OSBPL9: variants seen among roughly 807,000 people sequenced by gnomAD.
The protein encoded by OSBPL9 is oxysterol binding protein like 9, also known as oxysterol-binding protein-related protein 9.
A neutral mutation model predicts 106.6 loss-of-function variants in OSBPL9; 40 were observed. That is an observed-to-expected ratio of 0.38 (90% CI 0.29 to 0.49). OSBPL9 has a LOEUF of 0.49. Among genes scored for constraint, OSBPL9 ranks in the 20% least tolerant of loss-of-function variants. The pLI is 0.97. For missense variants in OSBPL9, 609 were observed against 887.2 expected (o/e 0.69, Z 3.98); for synonymous variants, 269 against 295.4 (o/e 0.91, Z 0.92).
the OSBPL9 span, among the ~76,000 whole-genome samples, chr1:51,562,769 C>T: frequency 1.1e-4 from 17 of 152,158 alleles, no homozygotes; most frequent in African/African-American, 3.9e-4. Context: ...GCAGTTGAGG[C>T]CGTTCTCTTC....
At chr1:51,521,948 G>C in the OSBPL9 span, among the ~76,000 whole-genome samples, 2 of 151,860 alleles carry the variant, frequency 1.3e-5, no homozygotes, top group Admixed American at 6.6e-5. Flanking sequence ...GTAGAGACAG[G>C]GTTTCACCGT....
At chr1:51,610,835 G>T (rs1643982515) in intron 2 of OSBPL9, among the ~76,000 whole-genome samples, 1 of 152,202 alleles carries the variant, frequency 6.6e-6, no homozygotes, top group African/African-American at 2.4e-5. Context: ...TCTACGTGAG[G>T]CACTGTGCTA....
chr1:51,614,716 T>C (rs900207820), upstream of OSBPL9, among the ~76,000 whole-genome samples: 66 of 152,160 alleles, frequency 4.3e-4, 1 homozygote, highest in Non-Finnish European at 1.5e-5. Context: ...AATTGAGTGC[T>C]TACTATCTAC....
At chr1:51,741,213 A>G (rs1459878113) in intron 4 of OSBPL9, among the ~76,000 whole-genome samples, 1 of 152,128 alleles carries the variant, frequency 6.6e-6, no homozygotes, top group Admixed American at 6.6e-5. Flanking sequence ...ATTCTTCTAC[A>G]AGTCTAGTTA....
chr1:51,616,305 C>T (rs573344907), upstream of OSBPL9, among the ~76,000 whole-genome samples: 2 of 152,232 alleles, frequency 1.3e-5, no homozygotes, highest in South Asian at 4.1e-4. Context: ...TAAATTGCCC[C>T]TGTAGGCTGT....
At chr1:51,707,961 A>G in intron 3 of OSBPL9, 1 of 253,002 alleles carries the variant, frequency 4.0e-6, no homozygotes, top group Non-Finnish European at 7.9e-6. Flanking sequence ...TCCCATTCTC[A>G]GCCTTGATGC....
At chr1:51,755,367 A>C (rs1345981183) in intron 8 of OSBPL9, among the ~76,000 whole-genome samples, 1 of 152,246 alleles carries the variant, frequency 6.6e-6, no homozygotes, top group Admixed American at 6.5e-5. Context: ...CCCTATACCT[A>C]TTAAGCAAAT....
At chr1:51,771,439 G>A (rs1673864293) in intron 12 of OSBPL9, among the ~76,000 whole-genome samples, 1 of 152,162 alleles carries the variant, frequency 6.6e-6, no homozygotes, top group African/African-American at 2.4e-5. Flanking sequence ...AGTCCATCCT[G>A]GGCAACATAA....
the OSBPL9 span, among the ~76,000 whole-genome samples, chr1:51,542,542 G>T: frequency 1.3e-5 from 2 of 152,216 alleles, no homozygotes; most frequent in Non-Finnish European, 2.9e-5. Flanking sequence ...GGCAGCACTC[G>T]ATAGGTAGGT....
intron 4 of OSBPL9, among the ~76,000 whole-genome samples, chr1:51,718,092 A>G (rs1661395206): frequency 6.6e-6 from 1 of 152,230 alleles, no homozygotes; most frequent in Non-Finnish European, 1.5e-5. Context: ...CATGATGTTA[A>G]GTGAAATAAG....
At chr1:51,623,761 T>G (rs575798360) in intron 1 of OSBPL9, among the ~76,000 whole-genome samples, 29 of 152,316 alleles carry the variant, frequency 1.9e-4, no homozygotes, top group African/African-American at 5.8e-4. Context: ...TTGAATAGCT[T>G]AAATGTATAT....
chr1:51,673,474 C>T (rs1236304993), intron 3 of OSBPL9, among the ~76,000 whole-genome samples: 2 of 152,118 alleles, frequency 1.3e-5, no homozygotes, highest in Non-Finnish European at 2.9e-5. Flanking sequence ...GGCAGTGATT[C>T]AGTAAACAGG....
Position 51,585,949 on chromosome 1 carries a change from A to T in OSBPL9, c.-423+8693A>T, listed in dbSNP as rs552274472. Among the ~76,000 whole-genome samples the T allele has an allele frequency of 9.9e-5, 15 of 151,890 alleles. No individual in the cohort carries two copies. In the East Asian group the frequency reaches 2.9e-3, roughly 29 times the overall value. ...GCACTTTGGGAGGCTGAGGCAGGTG[A>T]ATCACTTGAGGTCAGGAGTTTAAGG... is the stretch of plus-strand genomic sequence containing the variant. On this transcript the variant is annotated intron_variant, in intron 1 of 25. Coordinates refer to the OSBPL9 transcript ENST00000371714.
intron 2 of OSBPL9, among the ~76,000 whole-genome samples, chr1:51,653,405 A>G (rs1318053730): frequency 6.6e-6 from 1 of 152,116 alleles, no homozygotes; most frequent in Admixed American, 6.5e-5. Flanking sequence ...CCACTGTCTC[A>G]TTGTTACAGT....
intron 1 of OSBPL9, among the ~76,000 whole-genome samples, chr1:51,642,901 T>C (rs543467363): frequency 6.6e-6 from 1 of 152,350 alleles, no homozygotes; most frequent in South Asian, 2.1e-4. Context: ...TAGAGCTTTT[T>C]AGAAGAACAT....
At chr1:51,782,471 G>A in intron 16 of OSBPL9, 88 bp from the exon 17 acceptor site, 2 of 1,028,480 alleles carry the variant, frequency 1.9e-6, no homozygotes, top group East Asian at 5.1e-5. Context: ...GGTGTGTGTA[G>A]AGCGAGCAGA....
chr1:51,595,363 A>G (rs1328027295), intron 1 of OSBPL9, among the ~76,000 whole-genome samples: 1 of 151,924 alleles, frequency 6.6e-6, no homozygotes, highest in Admixed American at 6.6e-5. Flanking sequence ...CTATCCTTCT[A>G]TCCTTCCATC....
chr1:51,526,681 T>G, the OSBPL9 span, among the ~76,000 whole-genome samples: 1 of 152,186 alleles, frequency 6.6e-6, no homozygotes, highest in Non-Finnish European at 1.5e-5. Flanking sequence ...ATGGCATTTT[T>G]AAATCTAGTG....
chr1:51,544,922 C>A, the OSBPL9 span, among the ~76,000 whole-genome samples: 1 of 141,938 alleles, frequency 7.0e-6, no homozygotes, highest in African/African-American at 2.7e-5. Context: ...CGGCTCACTG[C>A]AACATCCACC....
Sources: gnomAD v4.1 joint callset for allele counts (sites outside exome capture counted in the v4.1 genomes callset) on GRCh38, gnomAD v4.1.1 for gene constraint, MANE v1.5 for transcripts, NCBI Gene and HGNC (gene_info 2026-07-23, HGNC 2026-07-21) for gene names.